The following MYH13 variants were observed in gnomAD, a reference collection of about 807,000 sequenced individuals.
The protein encoded by MYH13 is myosin-13.
MYH13 carries 177 observed loss-of-function variants against 232.1 expected under a neutral mutation model. The ratio of observed to expected loss-of-function variants is 0.76; its 90% CI spans 0.67 to 0.86. MYH13 has a LOEUF of 0.86. MYH13 is among the 40% of genes least tolerant of loss of function. MYH13 has a pLI of 0.00. For synonymous variants in MYH13, 884 were observed against 923.5 expected (o/e 0.96, Z 0.78); for missense variants, 2,246 against 2,405.9 (o/e 0.93, Z 1.39).
chr17:10,323,779 A>G (rs1232678941), intron 23 of MYH13, among the ~76,000 whole-genome samples: 1 of 100,874 alleles, frequency 9.9e-6, no homozygotes, highest in East Asian at 3.5e-4. Flanking sequence ...AAAAAAAAAA[A>G]AAAAAAAAAA....
intron 35 of MYH13, among the ~76,000 whole-genome samples, chr17:10,307,725 A>G (rs1906339906): frequency 1.3e-5 from 2 of 152,234 alleles, no homozygotes; most frequent in Non-Finnish European, 2.9e-5. Context: ...ACGTTTCCCC[A>G]GTGGAAATAA....
intron 11 of MYH13, 61 bp from the exon 12 acceptor site, chr17:10,350,755 C>A (rs1165852696): frequency 6.2e-7 from 1 of 1,601,248 alleles, no homozygotes; most frequent in East Asian, 2.2e-5. Flanking sequence ...GCAGCCTTTT[C>A]TTGGCAAAGA....
intron 33 of MYH13, 98 bp from the exon 34 acceptor site, chr17:10,309,928 TA>T: frequency 9.6e-7 from 1 of 1,039,712 alleles, no homozygotes; most frequent in Non-Finnish European, 1.3e-6. Context: ...TGCGTTTTTT[TA>T]AAAAAATTAA....
chr17:10,309,489 G>C (rs762051870), intron 34 of MYH13, 33 bp downstream of exon 34: 2 of 1,601,578 alleles, frequency 1.2e-6, no homozygotes, highest in African/African-American at 2.7e-5. Flanking sequence ...GCTGGGGCCC[G>C]TCCAGGTACG....
At chr17:10,316,062 A>AGG in intron 27 of MYH13, 37 bp from the exon 28 acceptor site, 1 of 1,611,508 alleles carries the variant, frequency 6.2e-7, no homozygotes, top group Non-Finnish European at 8.5e-7. Flanking sequence ...ATGGGAAGAA[A>AGG]TGGATTCCTA....
chr17:10,315,397 A>T (rs1300727102), intron 29 of MYH13, among the ~76,000 whole-genome samples: 2 of 152,072 alleles, frequency 1.3e-5, no homozygotes, highest in African/African-American at 4.8e-5. Context: ...GGTTCAAGGA[A>T]TTGTCTGCCT....
intron 3 of MYH13, among the ~76,000 whole-genome samples, chr17:10,362,859 C>T (rs2071804821): frequency 6.6e-6 from 1 of 152,112 alleles, no homozygotes; most frequent in Non-Finnish European, 1.5e-5. Flanking sequence ...AGAACTGCTC[C>T]AAAGTGTTCT....
chr17:10,329,278 C>T (rs1907331146), intron 21 of MYH13, among the ~76,000 whole-genome samples: 1 of 152,166 alleles, frequency 6.6e-6, no homozygotes, highest in African/African-American at 2.4e-5. Flanking sequence ...CCTCTCCCTC[C>T]AATCCCTGCA....
intron 13 of MYH13, among the ~76,000 whole-genome samples, chr17:10,345,991 CAAAAA>C (rs1211414796): frequency 8.8e-4 from 73 of 83,042 alleles, no homozygotes; most frequent in African/African-American, 3.9e-3. Context: ...GACTCTGTCT[CAAAAA>C]AAAAAAAAAA....
chr17:10,326,433 A>T (rs1171555146), intron 22 of MYH13, among the ~76,000 whole-genome samples: 2 of 152,138 alleles, frequency 1.3e-5, no homozygotes, highest in South Asian at 2.1e-4. Context: ...GAAAGAGACA[A>T]TTATACTGCC....
At chr17:10,334,186 G>A (rs1201454204) in intron 18 of MYH13, among the ~76,000 whole-genome samples, 2 of 152,158 alleles carry the variant, frequency 1.3e-5, no homozygotes, top group African/African-American at 2.4e-5. Context: ...GCAACCTGAT[G>A]GCTTCTCTTT....
chr17:10,302,811 G>T (rs560238827), intron 39 of MYH13, among the ~76,000 whole-genome samples: 43 of 152,226 alleles, frequency 2.8e-4, no homozygotes, highest in Middle Eastern at 3.4e-3. Context: ...TGGGAATTAG[G>T]ATGAGGTATC....
At chr17:10,311,741 A>AT (rs1906514740) in intron 32 of MYH13, among the ~76,000 whole-genome samples, 170 bp downstream of exon 32, 2 of 152,182 alleles carry the variant, frequency 1.3e-5, no homozygotes, top group Non-Finnish European at 2.9e-5. Context: ...CGTGCCTTAC[A>AT]TTAAAAAGGT....
chr17:10,346,647 C>A, intron 13 of MYH13, 33 bp downstream of exon 13: 1 of 1,528,774 alleles, frequency 6.5e-7, no homozygotes, highest in Non-Finnish European at 9.0e-7. Context: ...AGCAAAAGAT[C>A]TCAATCAACT....
In MYH13 at chr17:10,345,599, A is replaced by C. The variant is rs1383075302; in HGVS notation, c.1281T>G (p.Gly427=). 3 of 1,613,990 alleles carry C rather than the reference A, an allele frequency of 1.9e-6. No individual in the cohort carries two copies. The highest frequency in any genetic ancestry group is 2.5e-6 in the Non-Finnish European group (3 of 1,180,036). ...TCTCGTAGACGGCTTTGGCCAGAGC[A>C]CCCACCGAATTGGTCACCTTGAAAA... ...QNVQQVTNSV[G]ALAKAVYEKM... Residue 427 remains glycine, a synonymous_variant, in exon 14 of 41, where the codon GGT becomes GGG. Coordinates refer to ENST00000252172, the MANE Select transcript of MYH13 (RefSeq NM_003802.3).
intron 18 of MYH13, 26 bp downstream of exon 18, chr17:10,340,124 A>G: frequency 6.3e-7 from 1 of 1,597,490 alleles, no homozygotes; most frequent in Non-Finnish European, 8.6e-7. Flanking sequence ...CTGTTCAAAT[A>G]CTTGGCAAGA....
intron 22 of MYH13, among the ~76,000 whole-genome samples, chr17:10,326,551 A>G (rs988619614): frequency 6.6e-6 from 1 of 150,992 alleles, no homozygotes; most frequent in Admixed American, 6.6e-5. Context: ...GCTCACTGCA[A>G]CCTCCACCTC....
chr17:10,356,129 C>CA lies in MYH13; in HGVS notation c.739-983dup, dbSNP rs530520478. On this transcript the variant is annotated intron_variant, in intron 8 of 40. Coordinates refer to ENST00000252172, the MANE Select transcript of MYH13 (RefSeq NM_003802.3). The stretch of plus-strand genomic sequence containing the variant: ...ACGACACTGTGCGCAAATTTGAGGA[C>CA]AAAAAATGTTTTCTTGCTTTTTCAC... Among the ~76,000 whole-genome samples, 12 of 152,162 alleles carry CA rather than the reference C, an allele frequency of 7.9e-5. No individual in the cohort carries two copies. In the South Asian group the frequency reaches 1.7e-3, roughly 21 times the overall value.
At chr17:10,371,615 C>G (rs988609985) in intron 1 of MYH13, among the ~76,000 whole-genome samples, 10 of 152,028 alleles carry the variant, frequency 6.6e-5, no homozygotes, top group African/African-American at 2.4e-4. Context: ...AGTCTTTGAA[C>G]AGGATTAAGA....
Sources: gnomAD v4.1 joint callset for allele counts (sites outside exome capture counted in the v4.1 genomes callset) on GRCh38, gnomAD v4.1.1 for gene constraint, MANE v1.5 for transcripts, NCBI Gene and HGNC (gene_info 2026-07-23, HGNC 2026-07-21) for gene names.